Variants in SLC35F4 observed in about 807,000 individuals in gnomAD.
SLC35F4 encodes solute carrier family 35 member F4.
A neutral mutation model predicts 44.2 loss-of-function variants in SLC35F4; 24 were observed. That is an observed-to-expected ratio of 0.54 (90% CI 0.39 to 0.76). SLC35F4 has a LOEUF of 0.76. Among genes scored for constraint, SLC35F4 ranks in the 30% least tolerant of loss-of-function variants. The pLI is 0.00. For synonymous variants in SLC35F4, 238 were observed against 223.6 expected (o/e 1.06, Z -0.57); for missense variants, 562 against 586.1 (o/e 0.96, Z 0.42).
intron 1 of SLC35F4, among the ~76,000 whole-genome samples, chr14:57,949,863 T>C (rs1890103678): frequency 6.6e-6 from 1 of 152,226 alleles, no homozygotes. Context: ...CTCCAATCCC[T>C]TCTGGCTTAA....
At chr14:57,894,912 T>C (rs565758105) in intron 1 of SLC35F4, among the ~76,000 whole-genome samples, 2 of 152,254 alleles carry the variant, frequency 1.3e-5, no homozygotes, top group South Asian at 4.2e-4. Flanking sequence ...TCTTATTATA[T>C]AACTAAGGAG....
At chr14:57,910,690 T>C (rs908097266) in intron 1 of SLC35F4, among the ~76,000 whole-genome samples, 2 of 152,082 alleles carry the variant, frequency 1.3e-5, no homozygotes, top group African/African-American at 4.8e-5. Context: ...TATAGCTTTG[T>C]AGTAAGTCTT....
intron 1 of SLC35F4, among the ~76,000 whole-genome samples, chr14:57,888,346 G>A (rs945221405): frequency 6.6e-6 from 1 of 152,176 alleles, no homozygotes; most frequent in Non-Finnish European, 1.5e-5. Flanking sequence ...TAGTAAAGAG[G>A]ACTTCCATCC....
At chr14:57,979,888 T>C (rs772540230) in intron 1 of SLC35F4, among the ~76,000 whole-genome samples, 4 of 152,246 alleles carry the variant, frequency 2.6e-5, no homozygotes, top group Non-Finnish European at 5.9e-5. Flanking sequence ...AAATTGGGCA[T>C]GGTCAGAGCA....
intron 1 of SLC35F4, among the ~76,000 whole-genome samples, chr14:57,757,203 T>C (rs2077014765): frequency 6.6e-6 from 1 of 152,214 alleles, no homozygotes; most frequent in Admixed American, 6.5e-5. Flanking sequence ...GATATTAATA[T>C]GGCCAGTGAC....
At chr14:57,724,768 G>A (rs564715694) in intron 1 of SLC35F4, among the ~76,000 whole-genome samples, 32 of 152,290 alleles carry the variant, frequency 2.1e-4, no homozygotes, top group Admixed American at 4.6e-4. Flanking sequence ...GGCACCACTC[G>A]GAAGTAGACA....
chr14:57,788,228 C>T (rs1449202310), intron 1 of SLC35F4, among the ~76,000 whole-genome samples: 3 of 152,086 alleles, frequency 2.0e-5, no homozygotes, highest in Non-Finnish European at 2.9e-5. Context: ...CAATCCTAAA[C>T]ATATGTGCAC....
intron 1 of SLC35F4, among the ~76,000 whole-genome samples, chr14:57,980,315 G>A (rs1458694890): frequency 6.6e-6 from 1 of 152,178 alleles, no homozygotes; most frequent in Non-Finnish European, 1.5e-5. Context: ...CTAGAAACAA[G>A]GTGGGTGTTA....
At chr14:57,735,595 G>T (rs183091166) in intron 1 of SLC35F4, among the ~76,000 whole-genome samples, 1 of 152,302 alleles carries the variant, frequency 6.6e-6, no homozygotes, top group African/African-American at 2.4e-5. Flanking sequence ...GGCAATGCCT[G>T]TGTCTGAAGT....
chr14:57,593,950 T>A lies in SLC35F4; in HGVS notation c.278A>T (p.Gln93Leu). The A allele has an allele frequency of 6.2e-7, 1 of 1,613,860 alleles. No individual in the cohort carries two copies. Among genetic ancestry groups the A allele is most frequent in the Non-Finnish European group, 8.5e-7 (1 of 1,179,836 alleles). Reference protein sequence around the residue: ...SGVCGHRVERQNRSADDGTQT... With the variant: ...SGVCGHRVERLNRSADDGTQT... ...GGTCACCCACATACCTGATCTGTTC[T>A]GTCTCTCAACTCTGTGTCCACAAAC... Residue 93 changes from glutamine (Q) to leucine (L), a missense_variant, in exon 2 of 8, where the codon CAG becomes CTG. Transcript: ENST00000556826.
At chr14:57,599,579 C>T (rs1002349952) in intron 1 of SLC35F4, among the ~76,000 whole-genome samples, 8 of 152,014 alleles carry the variant, frequency 5.3e-5, no homozygotes, top group African/African-American at 1.4e-4. Context: ...CGGTGGCTCA[C>T]GACTGTAATC....
chr14:57,810,358 T>C (rs115107046), intron 1 of SLC35F4, among the ~76,000 whole-genome samples: 1,594 of 152,368 alleles, frequency 0.01, 27 homozygotes, highest in African/African-American at 0.036. Flanking sequence ...CTGTCCTTTC[T>C]GGTTCTGGGG....
intron 1 of SLC35F4, among the ~76,000 whole-genome samples, chr14:57,874,570 A>C (rs1053183113): frequency 6.6e-6 from 1 of 152,210 alleles, no homozygotes; most frequent in African/African-American, 2.4e-5. Context: ...TAGAGGGCTA[A>C]ACAGATGGTT....
At chr14:57,641,738 T>C (rs767190810) in intron 1 of SLC35F4, among the ~76,000 whole-genome samples, 1 of 152,020 alleles carries the variant, frequency 6.6e-6, no homozygotes, top group Non-Finnish European at 1.5e-5. Flanking sequence ...ATAGAACAGC[T>C]ATTACACTGC....
At chr14:57,649,020 GCCTA>G (rs1339571314) in intron 1 of SLC35F4, among the ~76,000 whole-genome samples, 2 of 152,064 alleles carry the variant, frequency 1.3e-5, no homozygotes, top group East Asian at 1.9e-4. Context: ...TTCTTTGTCT[GCCTA>G]CCTATTTCTC....
chr14:57,839,535 A>G (rs1566895215), intron 1 of SLC35F4, among the ~76,000 whole-genome samples: 1 of 152,180 alleles, frequency 6.6e-6, no homozygotes, highest in Non-Finnish European at 1.5e-5. Flanking sequence ...GTATGATGAG[A>G]ACATAAGGAC....
intron 1 of SLC35F4, among the ~76,000 whole-genome samples, chr14:57,753,932 T>C (rs1320497942): frequency 1.3e-5 from 2 of 152,076 alleles, no homozygotes; most frequent in African/African-American, 4.8e-5. Context: ...GAAAGCTCTC[T>C]GTCCCCAAAT....
In SLC35F4 at chr14:57,564,185, G is replaced by A. The variant is rs761433158; in HGVS notation, c.1408C>T (p.Leu470=). ...VDDVTDPSIH[L]RGRGRANGTV... is the part of the protein sequence containing the mutation. ...CCATTGGCTCTGCCTCTGCCCCGCA[G>A]GTGTATGCTGGGATCAGTCACATCA... Residue 470 remains leucine, a synonymous_variant, in exon 8 of 8, where the codon CTG becomes TTG. Coordinates refer to ENST00000556826, the MANE Select transcript of SLC35F4 (RefSeq NM_001306087.2). 6.8e-6 allele frequency: 11 copies of A among 1,613,650 alleles called. No individual in the cohort carries two copies. The East Asian group carries it at 2.2e-4, about 33-fold the overall frequency.
At chr14:57,696,086 G>C (rs1025944915) in intron 1 of SLC35F4, among the ~76,000 whole-genome samples, 1 of 152,060 alleles carries the variant, frequency 6.6e-6, no homozygotes, top group African/African-American at 2.4e-5. Flanking sequence ...TGACAAATGG[G>C]ATCTAATTAA....
Sources: gnomAD v4.1 joint callset for allele counts (sites outside exome capture counted in the v4.1 genomes callset) on GRCh38, gnomAD v4.1.1 for gene constraint, MANE v1.5 for transcripts, NCBI Gene and HGNC (gene_info 2026-07-23, HGNC 2026-07-21) for gene names.